AHSG: variants seen among roughly 807,000 people sequenced by gnomAD.
AHSG encodes alpha 2-HS glycoprotein.
AHSG carries 23 observed loss-of-function variants against 30.1 expected under a neutral mutation model. The observed-to-expected ratio is 0.76, with a 90% CI of 0.55 to 1.08. The LOEUF (loss-of-function observed/expected upper bound fraction) is 1.08, where lower values mean the gene tolerates loss of function less well. AHSG is among the 50% of genes least tolerant of loss of function. AHSG has a pLI of 0.00. For missense variants in AHSG, 469 were observed against 459.5 expected (o/e 1.02, Z -0.19); for synonymous variants, 164 against 186.3 (o/e 0.88, Z 0.98).
rs574244649 is a variant in AHSG at position 186,619,790 on chromosome 3, G to A, written c.676-67G>A. ...TTTCAAACTAATTTAAGGTTGGCGCGTCAATGAAATTGGGGGGGATCCATT... is the reference window on the plus strand; with the variant it reads ...TTTCAAACTAATTTAAGGTTGGCGCATCAATGAAATTGGGGGGGATCCATT... On this transcript the variant is annotated intron_variant, in intron 5 of 6. Coordinates refer to ENST00000411641, the MANE Select transcript of AHSG (RefSeq NM_001622.4). The A allele has an allele frequency of 1.3e-4, 164 of 1,308,016 alleles. No individual in the cohort carries two copies. In the South Asian group the frequency reaches 1.4e-3, roughly 11 times the overall value. The allele number at this position is 1,308,016 out of a possible 1,614,324, so 81.0% of individuals were successfully genotyped here.
Position 186,621,001 on chromosome 3 carries a change from G to A in AHSG, c.*71G>A. On this transcript the variant is annotated 3_prime_UTR_variant, in exon 7 of 7. Coordinates refer to ENST00000411641, the MANE Select transcript of AHSG (RefSeq NM_001622.4). ...CACCATTTTGTCCAAGCCTGGGCAT[G>A]GGTGGGGGGCCTTGTCTGCTGGCCA... is the stretch of plus-strand genomic sequence containing the variant. The A allele has an allele frequency of 2.0e-6, 3 of 1,479,590 alleles. No homozygotes were observed. Among genetic ancestry groups the A allele is most frequent in the Non-Finnish European group, 2.8e-6 (3 of 1,086,886 alleles). The allele number at this position is 1,479,590 out of a possible 1,614,324, so 91.7% of individuals were successfully genotyped here.
intron 6 of AHSG, 41 bp from the exon 7 acceptor site, chr3:186,620,545 G>A (rs756474208): frequency 6.5e-7 from 1 of 1,533,974 alleles, no homozygotes; most frequent in Non-Finnish European, 8.9e-7. Context: ...TTGCCTGGGA[G>A]GAGGAAGCAA....
intron 3 of AHSG, 146 bp from the exon 4 acceptor site, chr3:186,617,041 A>G (rs1716324395): frequency 2.0e-5 from 30 of 1,481,632 alleles, no homozygotes; most frequent in Non-Finnish European, 2.7e-5. Context: ...ATGTCAGCAT[A>G]GCAAAAGCCT....
chr3:186,618,861 G>A (rs969116541), intron 5 of AHSG, among the ~76,000 whole-genome samples: 1 of 152,236 alleles, frequency 6.6e-6, no homozygotes, highest in African/African-American at 2.4e-5. Flanking sequence ...TTAGGAGAAA[G>A]AGAGAGGCTA....
At chr3:186,619,727 TC>T (rs1579016058) in intron 5 of AHSG, 129 bp from the exon 6 acceptor site, 1 of 649,734 alleles carries the variant, frequency 1.5e-6, no homozygotes, top group East Asian at 2.7e-5. Flanking sequence ...ATCATATACC[TC>T]CCACAAGCAG....
chr3:186,615,232 G>A (rs150586621), intron 1 of AHSG, among the ~76,000 whole-genome samples: 1,900 of 152,204 alleles, frequency 0.012, 34 homozygotes, highest in African/African-American at 0.043. Context: ...AAAAAAGACA[G>A]TAAGATATTA....
In AHSG at chr3:186,613,701, G is replaced by A. The variant is rs187898500; in HGVS notation, c.213+347G>A. On this transcript the variant is annotated intron_variant, in intron 1 of 6. Coordinates refer to ENST00000411641, the MANE Select transcript of AHSG (RefSeq NM_001622.4). The stretch of plus-strand genomic sequence containing the variant: ...CAAGTTACCACTGGCTGAAAATCAC[G>A]TATCTGTCTTTGGTTTGGTTTCTCT... 1.1e-3 allele frequency among the ~76,000 whole-genome samples: 175 copies of A among 152,314 alleles called. 2 individuals carry two copies. Among genetic ancestry groups the A allele is most frequent in the African/African-American group, 3.9e-3 (162 of 41,572 alleles).
chr3:186,621,092 C>G lies in AHSG; in HGVS notation c.*162C>G. ...ACTCCCTACTTCCCGTCATTCCTCACAGGACAGAAGCAGAGTGGGTGGTGG... is the reference window on the plus strand; with the variant it reads ...ACTCCCTACTTCCCGTCATTCCTCAGAGGACAGAAGCAGAGTGGGTGGTGG... On this transcript the variant is annotated 3_prime_UTR_variant, in exon 7 of 7. Coordinates refer to ENST00000411641, the MANE Select transcript of AHSG (RefSeq NM_001622.4). 2.9e-6 allele frequency: 2 copies of G among 694,114 alleles called. No homozygotes were observed. The highest frequency in any genetic ancestry group is 4.8e-6 in the Non-Finnish European group (2 of 420,456). The allele number at this position is 694,114 out of a possible 1,614,324, so 43.0% of individuals were successfully genotyped here.
rs1716477591 is a variant in AHSG at position 186,620,996 on chromosome 3, G to A, written c.*66G>A. 1.3e-6 allele frequency: 2 copies of A among 1,501,432 alleles called. No homozygotes were observed. The highest frequency in any genetic ancestry group is 1.4e-5 in the African/African-American group (1 of 72,934). 93.0% of individuals were successfully genotyped at this position (1,501,432 alleles called of 1,614,324 possible). A position where few individuals can be genotyped will look rare whatever the true frequency, so the allele number is the denominator to read the frequency against. On this transcript the variant is annotated 3_prime_UTR_variant, in exon 7 of 7. Coordinates refer to ENST00000411641, the MANE Select transcript of AHSG (RefSeq NM_001622.4). ...ATAGCCACCATTTTGTCCAAGCCTG[G>A]GCATGGGTGGGGGGCCTTGTCTGCT...
At chr3:186,614,702 G>A (rs906148111) in intron 1 of AHSG, among the ~76,000 whole-genome samples, 1 of 152,226 alleles carries the variant, frequency 6.6e-6, no homozygotes, top group Non-Finnish European at 1.5e-5. Context: ...AAACCCAGGT[G>A]TACCCGGTTC....
chr3:186,619,740 A>G, intron 5 of AHSG, 117 bp from the exon 6 acceptor site: 2 of 722,692 alleles, frequency 2.8e-6, no homozygotes, highest in East Asian at 5.3e-5. Context: ...CACAAGCAGA[A>G]ACTATAACTT....
At chr3:186,616,059 G>C (rs1418514093) in intron 2 of AHSG, among the ~76,000 whole-genome samples, 4 of 152,148 alleles carry the variant, frequency 2.6e-5, no homozygotes, top group Admixed American at 6.5e-5. Context: ...AGCTGGACGT[G>C]GTGACGGGCA....
intron 1 of AHSG, among the ~76,000 whole-genome samples, chr3:186,614,146 T>C (rs1373538563): frequency 6.6e-6 from 1 of 152,100 alleles, no homozygotes; most frequent in Non-Finnish European, 1.5e-5. Flanking sequence ...AAGCTGGAAA[T>C]ATGCCTCGGG....
Position 186,617,539 on chromosome 3 carries a change from C to A in AHSG, c.573+189C>A, listed in dbSNP as rs774701007. ...GAGGCTCCTGAGTGTCATGAGGACC[C>A]CAACACCCTCAGCGCCTCCCCCATG... On this transcript the variant is annotated intron_variant, in intron 4 of 6. Coordinates refer to ENST00000411641, the MANE Select transcript of AHSG (RefSeq NM_001622.4). 2.2e-5 allele frequency: 24 copies of A among 1,095,386 alleles called. No individual in the cohort carries two copies. The South Asian group carries it at 3.4e-4, about 16-fold the overall frequency. The allele number at this position is 1,095,386 out of a possible 1,614,324, so 67.9% of individuals were successfully genotyped here.
At chr3:186,617,576 T>A in intron 4 of AHSG, 1 of 768,232 alleles carries the variant, frequency 1.3e-6, no homozygotes. Context: ...TGAGCCACTG[T>A]AACGTCCAGC....
intron 4 of AHSG, 27 bp from the exon 5 acceptor site, chr3:186,618,509 A>G (rs1716378216): frequency 1.2e-6 from 2 of 1,606,630 alleles, no homozygotes; most frequent in South Asian, 2.2e-5. Context: ...ATCTTTCCTC[A>G]AGAGCATTTT....
In AHSG at chr3:186,616,547, T is replaced by C; in HGVS notation, c.409+20T>C. 6.4e-7 allele frequency: 1 copy of C among 1,573,368 alleles called. No individual in the cohort carries two copies. Among genetic ancestry groups the C allele is most frequent in the Non-Finnish European group, 8.7e-7 (1 of 1,151,660 alleles). On this transcript the variant is annotated intron_variant, in intron 3 of 6. Transcript: ENST00000411641. ...GTCCAGGTACAGATGACTATTCTTATTCTCATTTTTTCCTTGTAGAGAAAG... is the reference window on the plus strand; with the variant it reads ...GTCCAGGTACAGATGACTATTCTTACTCTCATTTTTTCCTTGTAGAGAAAG...
At chr3:186,619,723 T>C (rs1716418091) in intron 5 of AHSG, 134 bp from the exon 6 acceptor site, 2 of 638,198 alleles carry the variant, frequency 3.1e-6, no homozygotes, top group Admixed American at 3.0e-5. Flanking sequence ...TAGAATCATA[T>C]ACCTCCCACA....
chr3:186,619,787 C>A (rs373089426), intron 5 of AHSG, 70 bp from the exon 6 acceptor site: 3 of 1,242,482 alleles, frequency 2.4e-6, no homozygotes, highest in Admixed American at 2.1e-5. Context: ...TTAAGGTTGG[C>A]GCGTCAATGA....
Sources: gnomAD v4.1 joint callset for allele counts (sites outside exome capture counted in the v4.1 genomes callset) on GRCh38, gnomAD v4.1.1 for gene constraint, MANE v1.5 for transcripts, NCBI Gene and HGNC (gene_info 2026-07-23, HGNC 2026-07-21) for gene names.